The following PARD3B variants were observed in gnomAD, a reference collection of about 807,000 sequenced individuals.
The protein encoded by PARD3B is par-3 family cell polarity regulator beta, also known as partitioning defective 3 homolog B.
PARD3B carries 103 observed loss-of-function variants against 130.2 expected under a neutral mutation model. That is an observed-to-expected ratio of 0.79 (90% CI 0.67 to 0.93). The LOEUF is 0.93. Among genes scored for constraint, PARD3B ranks in the 40% least tolerant of loss-of-function variants. PARD3B has a pLI of 0.00. For synonymous variants in PARD3B, 583 were observed against 553.2 expected, an observed-to-expected ratio of 1.05 and a Z score of -0.76; for missense variants, 1,609 against 1,499.2, an observed-to-expected ratio of 1.07 and a Z score of -1.21.
chr2:205,095,904 A>C (rs535611262), intron 4 of PARD3B, among the ~76,000 whole-genome samples: 5 of 152,282 alleles, frequency 3.3e-5, no homozygotes, highest in African/African-American at 1.2e-4. Flanking sequence ...GATTATTAGC[A>C]ATGAGAAGAA....
intron 18 of PARD3B, among the ~76,000 whole-genome samples, chr2:205,356,793 A>G (rs891235470): frequency 4.0e-5 from 6 of 151,656 alleles, no homozygotes; most frequent in Non-Finnish European, 8.8e-5. Flanking sequence ...TGGGAGGCTA[A>G]GGCAGGAGAA....
chr2:204,944,257 A>T (rs758670857), intron 2 of PARD3B, among the ~76,000 whole-genome samples: 8 of 152,246 alleles, frequency 5.3e-5, no homozygotes, highest in Non-Finnish European at 8.8e-5. Flanking sequence ...GGCAGCTTCC[A>T]CAGCTGGAGG....
rs191907082 is a variant in PARD3B, at chr2:205,440,314, T to C, written c.2742-56T>C. Reference sequence around the variant, plus strand: ...AACATAAATTCAAGAGAGTATTTCATTGTATTATTATATGAAACTCACATA... The same window carrying C: ...AACATAAATTCAAGAGAGTATTTCACTGTATTATTATATGAAACTCACATA... On this transcript the variant is annotated intron_variant, in intron 19 of 22. Coordinates refer to ENST00000406610, the MANE Select transcript of PARD3B (RefSeq NM_001302769.2). The surrounding 1 kb of genome is among the most constrained non-coding windows in gnomAD (Gnocchi z 4.2). 227 of 1,503,598 alleles carry C rather than the reference T, an allele frequency of 1.5e-4. No homozygotes were observed. The African/African-American group carries it at 2.9e-3, about 19-fold the overall frequency. The allele number at this position is 1,503,598 out of a possible 1,614,324, so 93.1% of individuals were successfully genotyped here. A position where few individuals can be genotyped will look rare whatever the true frequency, so the allele number is the denominator to read the frequency against.
rs544318486 is a variant in PARD3B, at chr2:205,323,167, C to T, written c.2630+21466C>T. On this transcript the variant is annotated intron_variant, in intron 18 of 22. Coordinates refer to ENST00000406610, the MANE Select transcript of PARD3B (RefSeq NM_001302769.2). ...CTCATGATCTGCCCGCCTCAGCCTCCCAAAGTGCTGGGATTACAGGCGTGA... is the reference window on the plus strand; with the variant it reads ...CTCATGATCTGCCCGCCTCAGCCTCTCAAAGTGCTGGGATTACAGGCGTGA... Among the ~76,000 whole-genome samples the T allele has an allele frequency of 1.1e-4, 17 of 151,954 alleles. No individual in the cohort carries two copies. In the East Asian group the frequency reaches 2.7e-3, roughly 24 times the overall value.
chr2:204,716,635 T>C (rs1176902434), intron 2 of PARD3B, among the ~76,000 whole-genome samples: 3 of 150,460 alleles, frequency 2.0e-5, no homozygotes, highest in African/African-American at 7.3e-5. Context: ...TTTTTTTTTT[T>C]TTTTTGAGAC....
rs895012355 is a variant in PARD3B at position 205,616,268 on chromosome 2, T to C, written c.*455T>C. 1 of 160,552 alleles carries C rather than the reference T, an allele frequency of 6.2e-6. No homozygotes were observed. The highest frequency in any genetic ancestry group is 2.4e-5 in the African/African-American group (1 of 41,568). 9.9% of individuals were successfully genotyped at this position (160,552 alleles called of 1,614,324 possible). On this transcript the variant is annotated 3_prime_UTR_variant, in exon 23 of 23. Coordinates refer to ENST00000406610, the MANE Select transcript of PARD3B (RefSeq NM_001302769.2). ...CGAGGTGGAGCCTCAGCCCCCTTCT[T>C]AGAGCTGTTAAGTCTAAGGTGTGGC...
intron 3 of PARD3B, among the ~76,000 whole-genome samples, chr2:205,024,136 A>T (rs1265542352): frequency 1.4e-5 from 2 of 144,576 alleles, no homozygotes; most frequent in African/African-American, 5.1e-5. Context: ...ATGATCATGT[A>T]TGCCTCACCA....
chr2:205,459,553 G>C (rs6734509), intron 20 of PARD3B, among the ~76,000 whole-genome samples: 31,729 of 152,110 alleles, frequency 0.21, 7,150 homozygotes, highest in African/African-American at 0.57. Context: ...TGAATATACA[G>C]TGATTTTGGA....
At chr2:204,940,789 A>T (rs1377433305) in intron 2 of PARD3B, among the ~76,000 whole-genome samples, 1 of 152,098 alleles carries the variant, frequency 6.6e-6, no homozygotes, top group Non-Finnish European at 1.5e-5. Flanking sequence ...CACCATCATC[A>T]TGTATTCTAG....
At chr2:205,172,505 G>T in intron 12 of PARD3B, 124 bp downstream of exon 12, 1 of 948,702 alleles carries the variant, frequency 1.1e-6, no homozygotes, top group Non-Finnish European at 1.5e-6. Flanking sequence ...GGCTTTGATG[G>T]GAAACAGGTG....
At chr2:204,696,209 G>C (rs1047688334) in intron 2 of PARD3B, among the ~76,000 whole-genome samples, 1 of 151,890 alleles carries the variant, frequency 6.6e-6, no homozygotes, top group Non-Finnish European at 1.5e-5. Flanking sequence ...ATGGAAAGTT[G>C]TGAGAAAAAC....
chr2:205,104,326 C>T, intron 4 of PARD3B, 100 bp from the exon 5 acceptor site: 1 of 794,830 alleles, frequency 1.3e-6, no homozygotes, highest in South Asian at 1.5e-5. Context: ...CTGTATATAT[C>T]CAGCGTAAAG....
At chr2:205,254,133 A>G (rs938953510) in intron 16 of PARD3B, among the ~76,000 whole-genome samples, 3 of 149,422 alleles carry the variant, frequency 2.0e-5, no homozygotes, top group African/African-American at 7.4e-5. Flanking sequence ...CTCTGATTCT[A>G]GTGACCAAGG....
At chr2:205,416,641 A>C (rs1465275967) in intron 19 of PARD3B, among the ~76,000 whole-genome samples, 1 of 152,174 alleles carries the variant, frequency 6.6e-6, no homozygotes, top group Non-Finnish European at 1.5e-5. Context: ...GGCTGGCTCA[A>C]AGAGTTAAGG....
rs1464781838 is a variant in PARD3B, at chr2:205,440,997, A to G, written c.3044+325A>G. Among the ~76,000 whole-genome samples, 3 of 152,222 alleles carry G rather than the reference A, an allele frequency of 2.0e-5. No homozygotes were observed. The highest frequency in any genetic ancestry group is 4.4e-5 in the Non-Finnish European group (3 of 68,034). ...TCCTTTCTCCTAAGAGACCAATTGT[A>G]AAAGATTTATTCAGGAAGATGGCAT... On this transcript the variant is annotated intron_variant, in intron 20 of 22. Transcript: ENST00000406610. The surrounding 1 kb of genome is among the most constrained non-coding windows in gnomAD (Gnocchi z 4.2).
chr2:204,645,327 C>T (rs970051956), intron 1 of PARD3B, among the ~76,000 whole-genome samples: 1 of 152,126 alleles, frequency 6.6e-6, no homozygotes, highest in African/African-American at 2.4e-5. Context: ...TGTCCATTGA[C>T]AGTTCTGTGC....
intron 11 of PARD3B, among the ~76,000 whole-genome samples, chr2:205,166,601 A>T (rs1182517297): frequency 6.6e-6 from 1 of 152,208 alleles, no homozygotes; most frequent in Non-Finnish European, 1.5e-5. Context: ...ATGAAGGTAA[A>T]TGATTTCAAT....
At chr2:204,819,305 A>G (rs1057370389) in intron 2 of PARD3B, among the ~76,000 whole-genome samples, 1 of 152,078 alleles carries the variant, frequency 6.6e-6, no homozygotes, top group African/African-American at 2.4e-5. Context: ...CATGTTTCAA[A>G]CCTTTTCATT....
chr2:205,114,829 A>G (rs1229475845), intron 6 of PARD3B, among the ~76,000 whole-genome samples: 1 of 152,032 alleles, frequency 6.6e-6, no homozygotes, highest in African/African-American at 2.4e-5. Context: ...AAATGAACCA[A>G]AAAGCTAGCA....
Sources: gnomAD v4.1 joint callset for allele counts (sites outside exome capture counted in the v4.1 genomes callset) on GRCh38, gnomAD v4.1.1 for gene constraint, Gnocchi (gnomAD v3.1) non-coding constraint, MANE v1.5 for transcripts, NCBI Gene and HGNC (gene_info 2026-07-23, HGNC 2026-07-21) for gene names.